The following RBFOX1 variants were observed in gnomAD, a reference collection of about 807,000 sequenced individuals.
RBFOX1 encodes the protein RNA binding protein fox-1 homolog 1.
Under a neutral mutation model 57.7 loss-of-function variants are expected in RBFOX1, and 8 were observed. The ratio of observed to expected loss-of-function variants is 0.14; its 90% CI spans 0.08 to 0.25. The LOEUF (loss-of-function observed/expected upper bound fraction) is 0.25. RBFOX1 is among the 10% of genes least tolerant of loss of function. The pLI, the probability that RBFOX1 is intolerant of heterozygous loss-of-function variation, is 1.00. For synonymous variants in RBFOX1, 326 were observed against 222.4 expected (o/e 1.47, Z -4.15); for missense variants, 611 against 548.5 (o/e 1.11, Z -1.14).
chr16:7,507,664 C>A (rs1401476686), intron 4 of RBFOX1, among the ~76,000 whole-genome samples: 2 of 144,016 alleles, frequency 1.4e-5, no homozygotes, highest in Admixed American at 1.5e-4. Context: ...CCCGGGTTCA[C>A]GCCATTCTTC....
At chr16:5,446,164 A>T (rs1014557491) in intron 1 of RBFOX1, among the ~76,000 whole-genome samples, 3 of 152,178 alleles carry the variant, frequency 2.0e-5, no homozygotes, top group African/African-American at 7.2e-5. Flanking sequence ...ATTCCAGCTG[A>T]TGAATTTCTC....
chr16:7,342,140 G>A (rs2096909986), intron 4 of RBFOX1, among the ~76,000 whole-genome samples: 1 of 152,140 alleles, frequency 6.6e-6, no homozygotes, highest in Non-Finnish European at 1.5e-5. Context: ...AAGGAAACCT[G>A]AGTCTGGCCA....
intron 4 of RBFOX1, among the ~76,000 whole-genome samples, chr16:7,064,045 A>G (rs2055288443): frequency 6.6e-6 from 1 of 152,152 alleles, no homozygotes; most frequent in Non-Finnish European, 1.5e-5. Flanking sequence ...CATACATGGA[A>G]GTTCTAGCCT....
At chr16:7,087,286 G>T (rs944005006) in intron 4 of RBFOX1, among the ~76,000 whole-genome samples, 1 of 152,148 alleles carries the variant, frequency 6.6e-6, no homozygotes, top group Non-Finnish European at 1.5e-5. Flanking sequence ...GCCTCAAGAG[G>T]ATCGGCCGCC....
intron 4 of RBFOX1, among the ~76,000 whole-genome samples, chr16:7,339,763 T>C (rs948639017): frequency 6.6e-6 from 1 of 152,196 alleles, no homozygotes; most frequent in African/African-American, 2.4e-5. Context: ...TTAAGAATTC[T>C]TTTGTCTGCG....
At chr16:5,796,106 A>G (rs2054869180) in intron 3 of RBFOX1, among the ~76,000 whole-genome samples, 1 of 152,150 alleles carries the variant, frequency 6.6e-6, no homozygotes, top group African/African-American at 2.4e-5. Flanking sequence ...TTGTGAAGGC[A>G]TGGTTGAATT....
intron 1 of RBFOX1, among the ~76,000 whole-genome samples, chr16:5,376,459 C>T (rs1024234816): frequency 6.6e-6 from 1 of 152,026 alleles, no homozygotes; most frequent in African/African-American, 2.4e-5. Flanking sequence ...GGACCCTGCT[C>T]ACTAAGGAGG....
At chr16:7,684,169 C>G (rs1345180344) in intron 14 of RBFOX1, among the ~76,000 whole-genome samples, 1 of 152,102 alleles carries the variant, frequency 6.6e-6, no homozygotes, top group Non-Finnish European at 1.5e-5. Context: ...TTTATTTCCA[C>G]TTTTGTGTGT....
chr16:6,501,834 CTT>C (rs2153181596), intron 2 of RBFOX1, among the ~76,000 whole-genome samples: 1 of 145,320 alleles, frequency 6.9e-6, no homozygotes, highest in Admixed American at 7.0e-5. Context: ...GGAAATTCTT[CTT>C]GGTTTTCACA....
chr16:6,465,598 CTGTGTGTGTG>C (rs56131263), intron 2 of RBFOX1, among the ~76,000 whole-genome samples: 2,986 of 144,956 alleles, frequency 0.021, 93 homozygotes, highest in African/African-American at 0.06. Context: ...ATGTATAGGG[CTGTGTGTGTG>C]TGTGTGTGTG....
chr16:5,880,811 T>C (rs908723935), intron 4 of RBFOX1, among the ~76,000 whole-genome samples: 7 of 152,206 alleles, frequency 4.6e-5, no homozygotes, highest in African/African-American at 1.7e-4. Context: ...CAAAGGAAAC[T>C]ATTTATATTG....
At chr16:6,658,188 C>A (rs2098674078) in intron 3 of RBFOX1, among the ~76,000 whole-genome samples, 2 of 152,000 alleles carry the variant, frequency 1.3e-5, no homozygotes, top group African/African-American at 4.8e-5. Context: ...AATCTTAGAC[C>A]ACATATCATG....
intron 4 of RBFOX1, among the ~76,000 whole-genome samples, chr16:7,432,389 A>G (rs141223965): frequency 2.0e-5 from 3 of 152,340 alleles, no homozygotes; most frequent in Non-Finnish European, 4.4e-5. Flanking sequence ...TCCCAATCCC[A>G]GAAGAGAAGC....
At chr16:7,223,160 T>C (rs1447650058) in intron 4 of RBFOX1, among the ~76,000 whole-genome samples, 1 of 152,174 alleles carries the variant, frequency 6.6e-6, no homozygotes, top group East Asian at 1.9e-4. Context: ...AAGCGAAGGG[T>C]TGACCAGCCA....
chr16:6,881,920 G>C (rs1047723721), intron 3 of RBFOX1, among the ~76,000 whole-genome samples: 5 of 152,170 alleles, frequency 3.3e-5, no homozygotes, highest in Non-Finnish European at 7.4e-5. Context: ...TTTAGATGTA[G>C]GCTCCTGCTG....
At chr16:6,290,437 A>G (rs1436685279) in intron 1 of RBFOX1, among the ~76,000 whole-genome samples, 1 of 151,686 alleles carries the variant, frequency 6.6e-6, no homozygotes, top group African/African-American at 2.4e-5. Context: ...TTTAGAAACT[A>G]CCTTTTTTAT....
chr16:5,432,905 C>T (rs1036330150), intron 1 of RBFOX1, among the ~76,000 whole-genome samples: 1 of 152,094 alleles, frequency 6.6e-6, no homozygotes, highest in African/African-American at 2.4e-5. Flanking sequence ...CCCATCTCAG[C>T]CTCCTGAGTA....
intron 1 of RBFOX1, 23 bp from the exon 2 acceptor site, chr16:6,316,972 T>C (rs2081193284): frequency 2.6e-6 from 4 of 1,531,526 alleles, no homozygotes; most frequent in African/African-American, 1.4e-5. Flanking sequence ...GATACTAAAG[T>C]CATTCCCCTT....
At chr16:6,088,550 G>C in intron 1 of RBFOX1, among the ~76,000 whole-genome samples, 1 of 75,210 alleles carries the variant, frequency 1.3e-5, no homozygotes. Flanking sequence ...CCTTCCTTCT[G>C]CATTTATTAA....
Sources: allele counts gnomAD v4.1 joint callset (sites outside exome capture counted in the v4.1 genomes callset), GRCh38; gene constraint gnomAD v4.1.1; transcripts MANE v1.5; gene names NCBI Gene and HGNC (gene_info 2026-07-23, HGNC 2026-07-21).